SLC30A8: variants seen among roughly 807,000 people sequenced by gnomAD.
SLC30A8 encodes proton-coupled zinc antiporter SLC30A8.
A neutral mutation model predicts 36.9 loss-of-function variants in SLC30A8; 27 were observed. The observed-to-expected ratio is 0.73, with a 90% CI of 0.54 to 1.01. The LOEUF is 1.01. SLC30A8 is among the 50% of genes least tolerant of loss of function. The pLI is 0.00. For missense variants in SLC30A8, 439 were observed against 452.0 expected (o/e 0.97, Z 0.26); for synonymous variants, 164 against 172.4 (o/e 0.95, Z 0.38).
intron 1 of SLC30A8, among the ~76,000 whole-genome samples, chr8:116,954,009 C>A (rs1252439741): frequency 1.3e-5 from 2 of 151,666 alleles, no homozygotes; most frequent in African/African-American, 2.4e-5. Context: ...CGATAAGAGA[C>A]TGGAGTAGGG....
intron 1 of SLC30A8, among the ~76,000 whole-genome samples, chr8:117,138,892 G>A (rs531877027): frequency 6.6e-6 from 1 of 152,062 alleles, no homozygotes; most frequent in South Asian, 2.1e-4. Flanking sequence ...AAGAATAGAG[G>A]GCTATGTATC....
chr8:117,032,951 T>G (rs1231824578), intron 1 of SLC30A8, among the ~76,000 whole-genome samples: 3 of 151,866 alleles, frequency 2.0e-5, no homozygotes, highest in Non-Finnish European at 4.4e-5. Context: ...CAGTCTTGCT[T>G]GTGTGGAATG....
chr8:117,135,317 T>C lies in SLC30A8; in HGVS notation c.-11T>C. On this transcript the variant is annotated 5_prime_UTR_variant, in exon 1 of 8. Transcript: ENST00000456015. ...CAACGACAACAACAGCCGCAGCTCA[T>C]CCTGGCCGTCATGGAGTTTCTTGAA... The C allele has an allele frequency of 6.3e-7, 1 of 1,590,202 alleles. No homozygotes were observed. Among genetic ancestry groups the C allele is most frequent in the Non-Finnish European group, 8.6e-7 (1 of 1,165,458 alleles).
chr8:116,989,848 G>A (rs1815571132), intron 1 of SLC30A8, among the ~76,000 whole-genome samples: 1 of 152,208 alleles, frequency 6.6e-6, no homozygotes, highest in Admixed American at 6.5e-5. Context: ...GATCACATTT[G>A]CCAGGAATGG....
At chr8:117,157,877 A>C (rs377289568) in intron 4 of SLC30A8, 33 bp downstream of exon 4, 1 of 1,610,248 alleles carries the variant, frequency 6.2e-7, no homozygotes, top group South Asian at 1.1e-5. Flanking sequence ...CACACTGCTC[A>C]TGAGGCTCTC....
chr8:117,037,482 C>G (rs960741786), intron 1 of SLC30A8, among the ~76,000 whole-genome samples: 3 of 152,108 alleles, frequency 2.0e-5, no homozygotes, highest in African/African-American at 7.2e-5. Context: ...AATACGTGAG[C>G]AGGGGAGTCA....
chr8:117,007,114 G>C (rs970020106), intron 1 of SLC30A8: 1 of 151,426 alleles, frequency 6.6e-6, no homozygotes, highest in African/African-American at 2.4e-5. Context: ...GGGGAGTCAG[G>C]TAATTTGAAT....
intron 1 of SLC30A8, among the ~76,000 whole-genome samples, chr8:116,979,337 C>T (rs1471016249): frequency 6.6e-6 from 1 of 151,584 alleles, no homozygotes; most frequent in Non-Finnish European, 1.5e-5. Flanking sequence ...ACAATTTACT[C>T]CAACGTTATC....
At chr8:117,018,913 T>A (rs1284305454) in intron 1 of SLC30A8, among the ~76,000 whole-genome samples, 1 of 152,150 alleles carries the variant, frequency 6.6e-6, no homozygotes, top group Non-Finnish European at 1.5e-5. Flanking sequence ...TCTACCCACC[T>A]CGGCCTCCCA....
chr8:117,005,704 C>T (rs1041332950), intron 1 of SLC30A8, among the ~76,000 whole-genome samples: 63 of 152,288 alleles, frequency 4.1e-4, no homozygotes, highest in African/African-American at 1.5e-3. Flanking sequence ...TTCAAAATAG[C>T]TATTTATCAT....
chr8:116,982,213 A>G (rs1474164770), intron 1 of SLC30A8, among the ~76,000 whole-genome samples: 6 of 151,400 alleles, frequency 4.0e-5, no homozygotes, highest in Non-Finnish European at 8.8e-5. Flanking sequence ...AAAGAATTTG[A>G]GGTGACTGAA....
At chr8:117,026,501 C>G (rs1816877632) in intron 1 of SLC30A8, among the ~76,000 whole-genome samples, 1 of 152,198 alleles carries the variant, frequency 6.6e-6, no homozygotes, top group Admixed American at 6.5e-5. Context: ...CTCCCAGGAA[C>G]TGACCTCCCT....
At chr8:117,001,542 A>G (rs905131997) in intron 1 of SLC30A8, among the ~76,000 whole-genome samples, 2 of 152,198 alleles carry the variant, frequency 1.3e-5, no homozygotes, top group Non-Finnish European at 2.9e-5. Context: ...CAACATGCCA[A>G]ATGGCTGACT....
chr8:116,960,988 AGAAGGAAG>A (rs939260120), intron 1 of SLC30A8, among the ~76,000 whole-genome samples: 1 of 152,064 alleles, frequency 6.6e-6, no homozygotes, highest in East Asian at 1.9e-4. Context: ...TTATTAGTAC[AGAAGGAAG>A]GAAGGAAGGA....
At chr8:117,105,650 C>T (rs1260604306) in intron 2 of SLC30A8, among the ~76,000 whole-genome samples, 1 of 152,116 alleles carries the variant, frequency 6.6e-6, no homozygotes, top group Non-Finnish European at 1.5e-5. Flanking sequence ...TTTCTTCTTC[C>T]CTGGCAAACC....
At chr8:116,976,237 T>G (rs540643795) in intron 1 of SLC30A8, among the ~76,000 whole-genome samples, 2 of 124,864 alleles carry the variant, frequency 1.6e-5, no homozygotes, top group African/African-American at 5.3e-5. Flanking sequence ...TGGTAAGTTC[T>G]CTCTCTTTTT....
intron 2 of SLC30A8, among the ~76,000 whole-genome samples, chr8:117,099,577 C>T (rs990139424): frequency 5.3e-5 from 8 of 152,130 alleles, no homozygotes; most frequent in African/African-American, 1.9e-4. Flanking sequence ...ATCTGGTGAC[C>T]ACAAGCCATC....
intron 1 of SLC30A8, among the ~76,000 whole-genome samples, chr8:117,146,110 A>T (rs1047568877): frequency 2.2e-4 from 33 of 152,168 alleles, no homozygotes; most frequent in African/African-American, 8.0e-4. Flanking sequence ...AATAGCCAGA[A>T]AAGAATAATT....
chr8:117,160,432 T>C (rs921604832), intron 4 of SLC30A8, among the ~76,000 whole-genome samples: 16 of 145,366 alleles, frequency 1.1e-4, no homozygotes, highest in African/African-American at 3.3e-4. Flanking sequence ...TGTGTGTGTG[T>C]GTGCGCGCAC....
Sources: gnomAD v4.1 joint callset for allele counts (sites outside exome capture counted in the v4.1 genomes callset) on GRCh38, gnomAD v4.1.1 for gene constraint, MANE v1.5 for transcripts, NCBI Gene and HGNC (gene_info 2026-07-23, HGNC 2026-07-21) for gene names.